The following SEMA6D variants were observed in gnomAD, a reference collection of about 807,000 sequenced individuals.
The protein encoded by SEMA6D is semaphorin 6D.
In SEMA6D, 35 loss-of-function variants were observed where a neutral mutation model predicts 106.6. The observed-to-expected ratio is 0.33, with a 90% CI of 0.25 to 0.44. SEMA6D has a LOEUF of 0.44. SEMA6D is among the 20% of genes least tolerant of loss of function. The pLI, the probability that SEMA6D is intolerant of heterozygous loss-of-function variation, is 1.00. For missense variants in SEMA6D, 1,185 were observed against 1,345.9 expected, an observed-to-expected ratio of 0.88 and a Z score of 1.87; for synonymous variants, 499 against 487.7, an observed-to-expected ratio of 1.02 and a Z score of -0.31.
chr15:47,652,003 T>C (rs796412134), intron 4 of SEMA6D, among the ~76,000 whole-genome samples: 10 of 152,312 alleles, frequency 6.6e-5, no homozygotes, highest in African/African-American at 2.4e-4. Flanking sequence ...TTCTCTAATT[T>C]CCCAAGTCAG....
At chr15:47,505,856 C>T (rs771826537) in intron 3 of SEMA6D, among the ~76,000 whole-genome samples, 28 of 152,048 alleles carry the variant, frequency 1.8e-4, no homozygotes, top group African/African-American at 6.0e-4. Flanking sequence ...AAAAATAACA[C>T]GCTGTGGAGA....
intron 4 of SEMA6D, among the ~76,000 whole-genome samples, chr15:47,604,995 T>A (rs1170370975): frequency 6.6e-6 from 1 of 152,066 alleles, no homozygotes; most frequent in Non-Finnish European, 1.5e-5. Context: ...CGTGAGCCAC[T>A]GCACCCGGCC....
chr15:47,607,991 A>C (rs1003505572), intron 4 of SEMA6D, among the ~76,000 whole-genome samples: 1 of 152,182 alleles, frequency 6.6e-6, no homozygotes, highest in African/African-American at 2.4e-5. Flanking sequence ...GTCTGTTATA[A>C]CTGTGGTCAT....
At chr15:47,331,451 A>G (rs2037335773) in intron 1 of SEMA6D, among the ~76,000 whole-genome samples, 2 of 152,218 alleles carry the variant, frequency 1.3e-5, no homozygotes, top group Non-Finnish European at 2.9e-5. Context: ...ATGGGATGCA[A>G]TAAATATATT....
intron 4 of SEMA6D, among the ~76,000 whole-genome samples, chr15:47,624,078 C>A (rs1053702225): frequency 2.7e-4 from 41 of 152,328 alleles, no homozygotes; most frequent in African/African-American, 9.9e-4. Context: ...TCATTCAGAA[C>A]TGCCGTCCGT....
intron 1 of SEMA6D, among the ~76,000 whole-genome samples, chr15:47,340,674 A>C (rs960330115): frequency 1.3e-5 from 2 of 152,226 alleles, no homozygotes; most frequent in African/African-American, 4.8e-5. Flanking sequence ...CATCATGCCT[A>C]CGTGAGATTG....
chr15:47,259,714 GT>G (rs138357536), intron 1 of SEMA6D, among the ~76,000 whole-genome samples: 1 of 151,870 alleles, frequency 6.6e-6, no homozygotes, highest in Non-Finnish European at 1.5e-5. Flanking sequence ...TGTACATTGG[GT>G]TTTTTACCCA....
intron 4 of SEMA6D, among the ~76,000 whole-genome samples, chr15:47,643,212 A>G (rs1398068577): frequency 6.6e-6 from 1 of 152,226 alleles, no homozygotes; most frequent in Non-Finnish European, 1.5e-5. Context: ...CACATGCAGT[A>G]AGTGCAGAGG....
intron 1 of SEMA6D, among the ~76,000 whole-genome samples, chr15:47,401,783 C>T (rs896568273): frequency 1.3e-5 from 2 of 152,190 alleles, no homozygotes; most frequent in African/African-American, 4.8e-5. Flanking sequence ...TCAACTGTCC[C>T]CTCTGCTTTG....
At chr15:47,652,585 T>C (rs1369639) in intron 4 of SEMA6D, among the ~76,000 whole-genome samples, 7,944 of 152,280 alleles carry the variant, frequency 0.052, 351 homozygotes, top group East Asian at 0.2. Flanking sequence ...TTGCATCATA[T>C]ATAAACAGAA....
At chr15:47,571,188 T>C (rs1264797961) in intron 3 of SEMA6D, among the ~76,000 whole-genome samples, 1 of 152,136 alleles carries the variant, frequency 6.6e-6, no homozygotes, top group African/African-American at 2.4e-5. Context: ...TGATGGAGAA[T>C]TACTCTTCGG....
At chr15:47,727,847 G>T (rs1010925662) in intron 1 of SEMA6D, among the ~76,000 whole-genome samples, 5 of 152,184 alleles carry the variant, frequency 3.3e-5, no homozygotes, top group Non-Finnish European at 7.3e-5. Flanking sequence ...ATGCTTCAGG[G>T]CATAAGGTGA....
Position 47,615,784 on chromosome 15 carries a change from GTC to G in SEMA6D, c.-55+14892_-55+14893del, listed in dbSNP as rs1220064496. 5.3e-5 allele frequency among the ~76,000 whole-genome samples: 8 copies of G among 152,326 alleles called. No individual in the cohort carries two copies. The East Asian group carries it at 1.5e-3, about 29-fold the overall frequency. On this transcript the variant is annotated intron_variant, in intron 4 of 19. Transcript: ENST00000558014. ...CTCATGCAAGCCCTGTACAGAAATTGTCTCTTTGCGAAAGCATTTGCATTAAT... is the reference window on the plus strand; with the variant it reads ...CTCATGCAAGCCCTGTACAGAAATTGTCTTTGCGAAAGCATTTGCATTAAT...
intron 1 of SEMA6D, among the ~76,000 whole-genome samples, chr15:47,329,833 A>G (rs1386599822): frequency 2.0e-5 from 3 of 152,196 alleles, no homozygotes; most frequent in Non-Finnish European, 2.9e-5. Context: ...ACAGAACTTG[A>G]TAGTCATATC....
At chr15:47,592,515 G>A (rs1273436297) in intron 3 of SEMA6D, among the ~76,000 whole-genome samples, 1 of 152,186 alleles carries the variant, frequency 6.6e-6, no homozygotes, top group Non-Finnish European at 1.5e-5. Context: ...TTTCAGTTGT[G>A]TTGAGTGTGG....
chr15:47,614,363 G>A (rs2143977713), intron 4 of SEMA6D, among the ~76,000 whole-genome samples: 1 of 152,256 alleles, frequency 6.6e-6, no homozygotes, highest in African/African-American at 2.4e-5. Flanking sequence ...CCATTCAGAT[G>A]GTTCAAATGG....
intron 1 of SEMA6D, among the ~76,000 whole-genome samples, chr15:47,208,329 T>G (rs887103885): frequency 1.3e-5 from 2 of 152,142 alleles, no homozygotes; most frequent in Admixed American, 1.3e-4. Flanking sequence ...AATAAGGAAG[T>G]TTATGCTTAG....
chr15:47,742,318 G>A (rs1388865647), intron 1 of SEMA6D, among the ~76,000 whole-genome samples: 2 of 151,984 alleles, frequency 1.3e-5, no homozygotes, highest in Non-Finnish European at 2.9e-5. Context: ...GTGAAAGAGG[G>A]AGTCAACAGA....
chr15:47,298,796 G>T (rs536023067), intron 1 of SEMA6D, among the ~76,000 whole-genome samples: 1 of 152,230 alleles, frequency 6.6e-6, no homozygotes, highest in South Asian at 2.1e-4. Flanking sequence ...TCTCCAGCAT[G>T]TTGCTACTAC....
Sources: gnomAD v4.1 joint callset for allele counts (sites outside exome capture counted in the v4.1 genomes callset) on GRCh38, gnomAD v4.1.1 for gene constraint, MANE v1.5 for transcripts, NCBI Gene and HGNC (gene_info 2026-07-23, HGNC 2026-07-21) for gene names.